The following KLHL29 variants were observed in gnomAD, a reference collection of about 807,000 sequenced individuals.
The protein encoded by KLHL29 is kelch like family member 29.
KLHL29 carries 21 observed loss-of-function variants against 80.4 expected under a neutral mutation model. The ratio of observed to expected loss-of-function variants is 0.26; its 90% CI spans 0.19 to 0.38. KLHL29 has a LOEUF of 0.38. Ranked by LOEUF, KLHL29 falls within the 10% of genes least tolerant of loss-of-function variation. The pLI, the probability that KLHL29 is intolerant of heterozygous loss-of-function variation, is 1.00. For missense variants in KLHL29, 867 were observed against 1,223.9 expected, an observed-to-expected ratio of 0.71 and a Z score of 4.35; for synonymous variants, 511 against 526.8, an observed-to-expected ratio of 0.97 and a Z score of 0.41.
chr2:23,434,320 CAAAAAAAAAAAAAA>C (rs34991893), intron 1 of KLHL29, among the ~76,000 whole-genome samples: 1 of 54,912 alleles, frequency 1.8e-5, no homozygotes, highest in Non-Finnish European at 3.0e-5. Flanking sequence ...GACTCCGTCT[CAAAAAAAAAAAAAA>C]AAAAAAAAAA....
At chr2:23,673,074 G>A (rs958955325) in intron 5 of KLHL29, among the ~76,000 whole-genome samples, 1 of 152,170 alleles carries the variant, frequency 6.6e-6, no homozygotes, top group African/African-American at 2.4e-5. Flanking sequence ...TGGTTTGCTT[G>A]TTTCACTGTC....
At chr2:23,423,165 G>A (rs910910377) in intron 1 of KLHL29, among the ~76,000 whole-genome samples, 2 of 152,350 alleles carry the variant, frequency 1.3e-5, no homozygotes, top group African/African-American at 4.8e-5. Context: ...CACAGGAAGT[G>A]TTTTTCACTC....
chr2:23,659,183 C>G (rs1031822776), intron 5 of KLHL29, among the ~76,000 whole-genome samples: 3 of 150,576 alleles, frequency 2.0e-5, no homozygotes, highest in African/African-American at 7.5e-5. Context: ...CTAGGATGTG[C>G]GGGAGCTGAA....
intron 5 of KLHL29, among the ~76,000 whole-genome samples, chr2:23,650,717 G>A (rs1028214981): frequency 2.0e-5 from 3 of 152,216 alleles, no homozygotes; most frequent in Non-Finnish European, 1.5e-5. Flanking sequence ...TGTGCACGCC[G>A]CTTTCTCCTG....
intron 1 of KLHL29, among the ~76,000 whole-genome samples, chr2:23,421,574 GTGTGTGTC>G (rs139187843): frequency 0.1 from 15,230 of 149,354 alleles, 1,575 homozygotes; most frequent in East Asian, 0.28. Context: ...GTCTGTAGCT[GTGTGTGTC>G]TGTGTGTCTG....
At chr2:23,387,897 A>G (rs1666225403) in intron 1 of KLHL29, among the ~76,000 whole-genome samples, 1 of 152,206 alleles carries the variant, frequency 6.6e-6, no homozygotes, top group Non-Finnish European at 1.5e-5. Context: ...ACCAATTTTA[A>G]TAACTTTTCT....
At chr2:23,386,313 T>C (rs1283341419) in intron 1 of KLHL29, among the ~76,000 whole-genome samples, 1 of 152,092 alleles carries the variant, frequency 6.6e-6, no homozygotes, top group Non-Finnish European at 1.5e-5. Flanking sequence ...CGTCCTCTGA[T>C]CTCGCATTTG....
intron 1 of KLHL29, among the ~76,000 whole-genome samples, chr2:23,395,388 A>G (rs1055403228): frequency 4.6e-5 from 7 of 152,220 alleles, no homozygotes; most frequent in African/African-American, 1.7e-4. Context: ...AAGGTCACAG[A>G]TAGGTGTCTG....
intron 2 of KLHL29, among the ~76,000 whole-genome samples, chr2:23,535,731 G>A (rs112284854): frequency 1.2e-4 from 18 of 152,278 alleles, no homozygotes; most frequent in East Asian, 3.9e-4. Flanking sequence ...AAAGTAGAAC[G>A]GTGGGTGCCA....
At chr2:23,553,552 A>G (rs1472632115) in intron 2 of KLHL29, among the ~76,000 whole-genome samples, 1 of 152,136 alleles carries the variant, frequency 6.6e-6, no homozygotes, top group Non-Finnish European at 1.5e-5. Context: ...GGTGCCGAAC[A>G]CCTCACCCCC....
intron 3 of KLHL29, among the ~76,000 whole-genome samples, chr2:23,611,073 C>T (rs672643): frequency 1.3e-5 from 2 of 151,806 alleles, no homozygotes; most frequent in Non-Finnish European, 2.9e-5. Flanking sequence ...TCAAAATGAT[C>T]AATGAGGAAA....
rs538281439 is a variant in KLHL29, at chr2:23,681,160, G to A, written c.941-3239G>A. ...TCCTGCTTCGCCGGCCGGGCAGGCA[G>A]TGGGCAGCAGCCCGCACACACCAGC... On this transcript the variant is annotated intron_variant, in intron 5 of 13. Coordinates refer to ENST00000486442, the MANE Select transcript of KLHL29 (RefSeq NM_052920.2). This position sits in a 1 kb window ranked among gnomAD's most constrained non-coding sequence, Gnocchi z 4.2. Among the ~76,000 whole-genome samples, 2 of 152,374 alleles carry A rather than the reference G, an allele frequency of 1.3e-5. No homozygotes were observed. Among genetic ancestry groups the A allele is most frequent in the Non-Finnish European group, 2.9e-5 (2 of 68,034 alleles).
chr2:23,419,045 G>A (rs574866238), intron 1 of KLHL29, among the ~76,000 whole-genome samples: 2 of 152,072 alleles, frequency 1.3e-5, no homozygotes, highest in African/African-American at 4.8e-5. Flanking sequence ...CCCGTCACAC[G>A]CCCCATTGGT....
chr2:23,589,207 C>T (rs1668194282), intron 3 of KLHL29, among the ~76,000 whole-genome samples: 1 of 152,234 alleles, frequency 6.6e-6, no homozygotes. Flanking sequence ...TTGTGCCTTG[C>T]CTGCAGGAAT....
In KLHL29 at chr2:23,406,327, C is replaced by CAAAA. The variant is rs776095410; in HGVS notation, c.-154+20560_-154+20563dup. Among the ~76,000 whole-genome samples the CAAAA allele has an allele frequency of 1.8e-3, 82 of 45,412 alleles. 2 individuals are homozygous for CAAAA. The highest frequency in any genetic ancestry group is 0.011 in the Middle Eastern group (1 of 94). The allele number at this position is 45,412 out of a possible 152,430, so 29.8% of individuals were successfully genotyped here. On this transcript the variant is annotated intron_variant, in intron 1 of 13. Coordinates refer to ENST00000486442, the MANE Select transcript of KLHL29 (RefSeq NM_052920.2). ...TGGGCGACAAAGCAAGACTCCATCT[C>CAAAA]AAAAAAAAAAAAAAAAGAAAAGAAA...
At chr2:23,393,913 CT>C (rs1421420854) in intron 1 of KLHL29, among the ~76,000 whole-genome samples, 3 of 152,276 alleles carry the variant, frequency 2.0e-5, no homozygotes, top group East Asian at 1.9e-4. Context: ...TCCCTTCCCC[CT>C]GGGCTTGTCT....
intron 2 of KLHL29, among the ~76,000 whole-genome samples, chr2:23,556,719 G>A (rs1049189656): frequency 6.6e-5 from 10 of 151,500 alleles, no homozygotes; most frequent in East Asian, 1.9e-4. Context: ...GGCCAGCATC[G>A]GCTTTGCTGC....
chr2:23,566,002 G>A (rs993337486), intron 3 of KLHL29, among the ~76,000 whole-genome samples: 1 of 152,246 alleles, frequency 6.6e-6, no homozygotes, highest in Non-Finnish European at 1.5e-5. Context: ...CCAGGCAGGG[G>A]CCGGCTTCTG....
chr2:23,552,762 T>TTTTTTTTTTC (rs1558385248), intron 2 of KLHL29, among the ~76,000 whole-genome samples: 1 of 73,168 alleles, frequency 1.4e-5, no homozygotes, highest in Non-Finnish European at 2.6e-5. Context: ...GTTTCTTTTC[T>TTTTTTTTTTC]TTTTTTTTTT....
Sources: gnomAD v4.1 joint callset for allele counts (sites outside exome capture counted in the v4.1 genomes callset) on GRCh38, gnomAD v4.1.1 for gene constraint, Gnocchi (gnomAD v3.1) non-coding constraint, MANE v1.5 for transcripts, NCBI Gene and HGNC (gene_info 2026-07-23, HGNC 2026-07-21) for gene names.